Variants in SLC16A2 observed in about 807,000 individuals in gnomAD.
SLC16A2 encodes the protein solute carrier family 16 member 2.
Under a neutral mutation model 27.2 loss-of-function variants are expected in SLC16A2, and 3 were observed. That is an observed-to-expected ratio of 0.11 (90% CI 0.05 to 0.28). SLC16A2 has a LOEUF of 0.28. SLC16A2 is among the 10% of genes least tolerant of loss of function. The pLI is 1.00. For synonymous variants in SLC16A2, 202 were observed against 187.8 expected, an observed-to-expected ratio of 1.08 and a Z score of -0.62; for missense variants, 295 against 458.5, an observed-to-expected ratio of 0.64 and a Z score of 3.26.
intron 1 of SLC16A2, among the ~76,000 whole-genome samples, chrX:74,446,590 A>G (rs1266331471): frequency 1.8e-5 from 2 of 110,541 alleles, no homozygotes; most frequent in African/African-American, 6.6e-5. Context: ...ACTGCACTCT[A>G]GCCTGGGTGA....
chrX:74,442,480 T>A (rs1335693707), intron 1 of SLC16A2, among the ~76,000 whole-genome samples: 2 of 111,891 alleles, frequency 1.8e-5, no homozygotes, highest in East Asian at 5.6e-4. Context: ...GAGTGTGGGA[T>A]GCTGCAGCAT....
chrX:74,519,533 G>A (rs1276374340), intron 1 of SLC16A2, among the ~76,000 whole-genome samples: 2 of 97,481 alleles, frequency 2.1e-5, no homozygotes, highest in African/African-American at 7.2e-5. Context: ...CTAACACAGT[G>A]AAACCCCGTC....
At chrX:74,464,334 C>T (rs765065491) in intron 1 of SLC16A2, among the ~76,000 whole-genome samples, 3 of 111,947 alleles carry the variant, frequency 2.7e-5, no homozygotes, top group African/African-American at 9.7e-5. Context: ...GGAAATGTTG[C>T]ATTTGTGTGT....
chrX:74,446,231 C>A (rs906555513), intron 1 of SLC16A2, among the ~76,000 whole-genome samples: 1 of 111,582 alleles, frequency 9.0e-6, no homozygotes, highest in Admixed American at 9.6e-5. Context: ...GCATGGTCTG[C>A]CTCATCTGTG....
chrX:74,519,736 A>AAC (rs1930377069), intron 1 of SLC16A2, among the ~76,000 whole-genome samples: 2 of 69,405 alleles, frequency 2.9e-5, no homozygotes, highest in Non-Finnish European at 7.6e-5. Context: ...AAAAACAAAA[A>AAC]AAAAACGAAA....
At chrX:74,450,196 C>A (rs1928913553) in intron 1 of SLC16A2, among the ~76,000 whole-genome samples, 1 of 112,789 alleles carries the variant, frequency 8.9e-6, no homozygotes, top group African/African-American at 3.2e-5. Flanking sequence ...GACCCTCCAC[C>A]CCCATTATAT....
chrX:74,452,365 G>A (rs1928959241), intron 1 of SLC16A2, among the ~76,000 whole-genome samples: 1 of 111,952 alleles, frequency 8.9e-6, no homozygotes, highest in African/African-American at 3.3e-5. Flanking sequence ...ATCAGAGAGT[G>A]AGCAGTGAGC....
intron 1 of SLC16A2, among the ~76,000 whole-genome samples, chrX:74,453,168 A>G (rs1928974919): frequency 9.2e-6 from 1 of 108,480 alleles, no homozygotes; most frequent in Non-Finnish European, 1.9e-5. Context: ...CAGCCTCCCG[A>G]GTAGCTGGGA....
At chrX:74,531,162 C>T (rs760160241) in intron 5 of SLC16A2, among the ~76,000 whole-genome samples, 171 bp from the exon 6 acceptor site, 6 of 112,882 alleles carry the variant, frequency 5.3e-5, no homozygotes, top group East Asian at 5.6e-4. Flanking sequence ...AATGAGCATT[C>T]GCTCAAGGGC....
At chrX:74,423,765 G>T (rs2147834766) in intron 1 of SLC16A2, among the ~76,000 whole-genome samples, 1 of 111,294 alleles carries the variant, frequency 9.0e-6, no homozygotes, top group African/African-American at 3.3e-5. Context: ...TCATGCTGTT[G>T]CCTAGGTTAC....
intron 1 of SLC16A2, 37 bp from the exon 2 acceptor site, chrX:74,520,953 C>A: frequency 6.6e-6 from 8 of 1,209,572 alleles, no homozygotes; most frequent in Non-Finnish European, 7.8e-6. Context: ...AGGCACTACA[C>A]TAAGCTAAAG....
At chrX:74,487,340 A>T (rs1336360063) in intron 1 of SLC16A2, among the ~76,000 whole-genome samples, 1 of 111,397 alleles carries the variant, frequency 9.0e-6, no homozygotes, top group Non-Finnish European at 1.9e-5. Context: ...AGCTAGTTCC[A>T]CATGGCTCCC....
chrX:74,448,157 A>G (rs766025291), intron 1 of SLC16A2, among the ~76,000 whole-genome samples: 14 of 111,218 alleles, frequency 1.3e-4, no homozygotes, highest in Non-Finnish European at 2.5e-4. Context: ...AGTATGTTGA[A>G]CATATACCTT....
chrX:74,435,553 A>ATATGTATATATATATATT (rs1360189812), intron 1 of SLC16A2, among the ~76,000 whole-genome samples: 1 of 87,820 alleles, frequency 1.1e-5, no homozygotes, highest in Non-Finnish European at 2.1e-5. Flanking sequence ...ATATATATAT[A>ATATGTATATATATATATT]TTTTTTTTTT....
intron 1 of SLC16A2, among the ~76,000 whole-genome samples, chrX:74,465,004 C>T (rs1004383336): frequency 9.8e-5 from 11 of 111,915 alleles, no homozygotes; most frequent in African/African-American, 3.6e-4. Flanking sequence ...CATGGCAACA[C>T]AGAGGACTCC....
At chrX:74,520,645 C>T (rs373942955) in intron 1 of SLC16A2, among the ~76,000 whole-genome samples, 149 of 111,677 alleles carry the variant, frequency 1.3e-3, no homozygotes, top group African/African-American at 4.8e-3. Context: ...TCACAGGGTT[C>T]TTCTAATGCT....
chrX:74,479,909 C>G (rs1929578500), intron 1 of SLC16A2, among the ~76,000 whole-genome samples: 1 of 112,250 alleles, frequency 8.9e-6, no homozygotes, highest in Admixed American at 9.4e-5. Flanking sequence ...GGGTTGCCTC[C>G]TAGTTAGGCT....
Position 74,473,694 on chromosome X carries a change from C to A in SLC16A2, c.431-47296C>A. On this transcript the variant is annotated intron_variant, in intron 1 of 5. Coordinates refer to ENST00000587091, the MANE Select transcript of SLC16A2 (RefSeq NM_006517.5). The stretch of plus-strand genomic sequence containing the variant: ...TCTCTTGAGACAGCTCTCTTTGGTT[C>A]CACAACTCTTCCATCCACCTTGTGT... The A allele has an allele frequency of 4.7e-6, 5 of 1,061,679 alleles. No individual in the cohort carries two copies. The South Asian group carries it at 9.3e-5, about 20-fold the overall frequency. The allele number at this position is 1,061,679 out of a possible 1,213,427, so 87.5% of individuals were successfully genotyped here. A position where few individuals can be genotyped will look rare whatever the true frequency, so the allele number is the denominator to read the frequency against.
At chrX:74,449,179 G>A (rs1037300957) in intron 1 of SLC16A2, among the ~76,000 whole-genome samples, 8 of 112,083 alleles carry the variant, frequency 7.1e-5, no homozygotes, top group Non-Finnish European at 1.5e-4. Context: ...ACTGTCATTA[G>A]ACCTGGGTTC....
Sources: gnomAD v4.1 joint callset for allele counts (sites outside exome capture counted in the v4.1 genomes callset) on GRCh38, gnomAD v4.1.1 for gene constraint, MANE v1.5 for transcripts, NCBI Gene and HGNC (gene_info 2026-07-23, HGNC 2026-07-21) for gene names.